The following DNAH17 variants were observed in gnomAD, a reference collection of about 807,000 sequenced individuals.
The protein encoded by DNAH17 is axonemal beta dynein heavy chain 17.
A neutral mutation model predicts 485.6 loss-of-function variants in DNAH17; 376 were observed. That is an observed-to-expected ratio of 0.77 (90% confidence interval 0.71 to 0.84). DNAH17 has a LOEUF of 0.84. Among genes scored for constraint, DNAH17 ranks in the 40% least tolerant of loss-of-function variants. The pLI is 0.00. For missense variants in DNAH17, 6,370 were observed against 5,839.3 expected (o/e 1.09, Z -2.96); for synonymous variants, 3,031 against 2,405.9 (o/e 1.26, Z -7.60).
chr17:78,525,980 G>A (rs1473717791), intron 24 of DNAH17, among the ~76,000 whole-genome samples: 4 of 152,254 alleles, frequency 2.6e-5, no homozygotes, highest in Admixed American at 1.3e-4. Flanking sequence ...AGGTGCAGGT[G>A]GGGCCGACCC....
At position 78,561,574 on chromosome 17, in the gene DNAH17, G is replaced by A. The variant is rs540040690; in HGVS notation, c.1835+141C>T. On this transcript the variant is annotated intron_variant, in intron 12 of 80. Coordinates refer to ENST00000389840, the MANE Select transcript of DNAH17 (RefSeq NM_173628.4). The stretch of plus-strand genomic sequence containing the variant: ...TCAGGGGAGGAGGGAGGACCAGAAG[G>A]GGTCTCTTCTGGGCTTTTGCTCTGG... The A allele has an allele frequency of 2.4e-5, 24 of 998,506 alleles. 1 individual carries two copies. In the South Asian group the frequency reaches 4.4e-4, roughly 18 times the overall value. The allele number at this position is 998,506 out of a possible 1,614,324, so 61.9% of individuals were successfully genotyped here. A position where few individuals can be genotyped will look rare whatever the true frequency, so the allele number is the denominator to read the frequency against.
chr17:78,527,990 A>G (rs2091122542), intron 22 of DNAH17, among the ~76,000 whole-genome samples: 1 of 151,636 alleles, frequency 6.6e-6, no homozygotes, highest in Admixed American at 6.6e-5. Context: ...TGTTGCCCAG[A>G]CTGGTCTTGA....
In DNAH17 at chr17:78,566,545, G is replaced by A. The variant is rs946588204; in HGVS notation, c.1569+69C>T. ...AGAGGATGAAATGGTCTCCAAGATCGTTCTCGACATGAATCCACCACCACA... is the reference window on the plus strand; with the variant it reads ...AGAGGATGAAATGGTCTCCAAGATCATTCTCGACATGAATCCACCACCACA... On this transcript the variant is annotated intron_variant, in intron 11 of 80. Transcript: ENST00000389840. 1.4e-5 allele frequency: 16 copies of A among 1,162,082 alleles called. No individual in the cohort carries two copies. The Middle Eastern group carries it at 6.3e-4, about 45-fold the overall frequency. The allele number at this position is 1,162,082 out of a possible 1,614,324, so 72.0% of individuals were successfully genotyped here. A position where few individuals can be genotyped will look rare whatever the true frequency, so the allele number is the denominator to read the frequency against.
intron 20 of DNAH17, among the ~76,000 whole-genome samples, 183 bp downstream of exon 20, chr17:78,532,299 C>G (rs917560997): frequency 6.6e-6 from 1 of 152,176 alleles, no homozygotes; most frequent in Non-Finnish European, 1.5e-5. Flanking sequence ...GTGCTATGCC[C>G]CCTTCTTGGG....
At chr17:78,444,225 C>T (rs9302875) in intron 71 of DNAH17, among the ~76,000 whole-genome samples, 11,646 of 152,232 alleles carry the variant, frequency 0.077, 812 homozygotes, top group African/African-American at 0.19. Context: ...TTCACGTCCA[C>T]ACTTGACATC....
Position 78,545,871 on chromosome 17 carries a change from A to G in DNAH17, c.2392-1874T>C, listed in dbSNP as rs990907714. ...TTACTTGATTTTGTATGGTTAGCTA[A>G]ATATATATTTTTGCCTCTAGTTGTT... On this transcript the variant is annotated intron_variant, in intron 16 of 80. Transcript: ENST00000389840. Among the ~76,000 whole-genome samples the G allele has an allele frequency of 5.9e-5, 9 of 152,180 alleles. 1 individual carries two copies. The highest frequency in any genetic ancestry group is 1.3e-4 in the Non-Finnish European group (9 of 68,038).
In DNAH17 at chr17:78,423,748, A is replaced by AC. The variant is rs2086196627; in HGVS notation, c.*157dup. On this transcript the variant is annotated 3_prime_UTR_variant, in exon 81 of 81. Transcript: ENST00000389840. ...CCCCACCTCTTCCACACCAACCTCC[A>AC]CCCTCTGGTTCCGATGTGCTTGGTT... 2 of 955,930 alleles carry AC rather than the reference A, an allele frequency of 2.1e-6. No individual in the cohort carries two copies. The highest frequency in any genetic ancestry group is 3.1e-6 in the Non-Finnish European group (2 of 639,790). The allele number at this position is 955,930 out of a possible 1,614,324, so 59.2% of individuals were successfully genotyped here. A position where few individuals can be genotyped will look rare whatever the true frequency, so the allele number is the denominator to read the frequency against.
chr17:78,572,189 A>G (rs769898131), intron 3 of DNAH17, among the ~76,000 whole-genome samples: 3 of 152,174 alleles, frequency 2.0e-5, no homozygotes, highest in African/African-American at 4.8e-5. Context: ...CGGGGGTCTC[A>G]CATATCAGGG....
At chr17:78,547,314 T>C (rs934213476) in intron 16 of DNAH17, among the ~76,000 whole-genome samples, 9 of 152,230 alleles carry the variant, frequency 5.9e-5, no homozygotes, top group Admixed American at 1.3e-4. Flanking sequence ...ACTTTACTGC[T>C]GCATTCACAG....
intron 69 of DNAH17, among the ~76,000 whole-genome samples, chr17:78,448,074 A>G (rs2087387945): frequency 6.6e-6 from 1 of 152,018 alleles, no homozygotes; most frequent in Non-Finnish European, 1.5e-5. Context: ...CGGAAGACTG[A>G]GGTAGGGGAA....
chr17:78,528,303 C>T (rs535670040), intron 22 of DNAH17, among the ~76,000 whole-genome samples: 1 of 152,270 alleles, frequency 6.6e-6, no homozygotes, highest in Admixed American at 6.5e-5. Context: ...CTCTGTCACC[C>T]AGGCTAGAGT....
chr17:78,548,954 A>G (rs2091839582), intron 16 of DNAH17, among the ~76,000 whole-genome samples: 1 of 152,230 alleles, frequency 6.6e-6, no homozygotes, highest in Non-Finnish European at 1.5e-5. Context: ...GTCACTGTGC[A>G]GCTGCTGCAG....
In DNAH17 at chr17:78,507,375, A is replaced by C; in HGVS notation, c.4585-6T>G. 6.2e-7 allele frequency: 1 copy of C among 1,613,920 alleles called. No homozygotes were observed. Among genetic ancestry groups the C allele is most frequent in the Non-Finnish European group, 8.5e-7 (1 of 1,179,876 alleles). Reference sequence around the variant, plus strand: ...ACTGCATCTTCCATCAAGGCCTGGGAAGAGAAGGGGATCGCCAAGGCATTA... The same window carrying C: ...ACTGCATCTTCCATCAAGGCCTGGGCAGAGAAGGGGATCGCCAAGGCATTA... On this transcript the variant is annotated splice_region_variant and splice_polypyrimidine_tract_variant and intron_variant, in intron 28 of 80. Transcript: ENST00000389840.
Position 78,479,549 on chromosome 17 carries a change from C to A in DNAH17, c.7836G>T (p.Leu2612=). 6.2e-7 allele frequency: 1 copy of A among 1,613,692 alleles called. No homozygotes were observed. The change falls in exon 50 of 81, where the codon CTG becomes CTT. Residue 2612 remains leucine (L), a synonymous_variant. Coordinates refer to ENST00000389840, the MANE Select transcript of DNAH17 (RefSeq NM_173628.4). ...TIYNTILTQH[L]AFRSVSMAIQ... is the part of the protein sequence containing the mutation. ...TAGCCATGGAGACCGAGCGGAAGGC[C>A]AGGTGCTGCGTCAGGATTGTGTTGT... is the stretch of plus-strand genomic sequence containing the variant.
At chr17:78,478,187 T>C (rs1156779834) in intron 51 of DNAH17, among the ~76,000 whole-genome samples, 1 of 107,342 alleles carries the variant, frequency 9.3e-6, no homozygotes, top group African/African-American at 4.0e-5. Flanking sequence ...TCATCACCAT[T>C]ATCACCATCA....
chr17:78,540,676 G>A (rs1299248100), intron 17 of DNAH17, among the ~76,000 whole-genome samples: 5 of 87,654 alleles, frequency 5.7e-5, no homozygotes, highest in African/African-American at 2.5e-4. Flanking sequence ...ATGAGTAGAT[G>A]GACAGATGGA....
In DNAH17 at chr17:78,486,016, G is replaced by A. The variant is rs765068967; in HGVS notation, c.7219C>T (p.Leu2407=). The A allele has an allele frequency of 3.1e-6, 5 of 1,613,830 alleles. No individual in the cohort carries two copies. Among genetic ancestry groups the A allele is most frequent in the African/African-American group, 2.7e-5 (2 of 74,900 alleles). ...GAGGGCACTTTATCTGTCCAGGGCA[G>A]GAACTTTTTTGTGTCAGGATCAATG... ...YYIDPDTKKF[L]PWTDKVPSFE... is the part of the protein sequence containing the mutation. The change falls in exon 46 of 81, where the codon CTG becomes TTG. Residue 2407 remains leucine, a synonymous_variant. Coordinates refer to ENST00000389840, the MANE Select transcript of DNAH17 (RefSeq NM_173628.4).
At position 78,510,752 on chromosome 17, in the gene DNAH17, C is replaced by G. The variant is rs1186601356; in HGVS notation, c.4114-246G>C. ...GCACCTGCACTGGGCGGAATTGCGG[C>G]CCCCCCGCAAAATTCACATCCGCCC... On this transcript the variant is annotated intron_variant, in intron 26 of 80. Coordinates refer to ENST00000389840, the MANE Select transcript of DNAH17 (RefSeq NM_173628.4). 4 of 302,426 alleles carry G rather than the reference C, an allele frequency of 1.3e-5. No individual in the cohort carries two copies. The South Asian group carries it at 1.5e-4, about 11-fold the overall frequency. 18.7% of individuals were successfully genotyped at this position (302,426 alleles called of 1,614,324 possible).
intron 22 of DNAH17, among the ~76,000 whole-genome samples, chr17:78,529,138 T>A (rs884715): frequency 0.61 from 93,030 of 151,890 alleles, 28,710 homozygotes; most frequent in African/African-American, 0.64. Flanking sequence ...ATGGGCTTTC[T>A]CCCACGTTGC....
Sources: gnomAD v4.1 joint callset for allele counts (sites outside exome capture counted in the v4.1 genomes callset) on GRCh38, gnomAD v4.1.1 for gene constraint, MANE v1.5 for transcripts, NCBI Gene and HGNC (gene_info 2026-07-23, HGNC 2026-07-21) for gene names.